The following AKAP13 variants were observed in gnomAD, a reference collection of about 807,000 sequenced individuals.
The protein encoded by AKAP13 is A-kinase anchoring protein 13.
Under a neutral mutation model 264.5 loss-of-function variants are expected in AKAP13, and 80 were observed. The observed-to-expected ratio is 0.30, with a 90% CI of 0.25 to 0.36. The LOEUF (loss-of-function observed/expected upper bound fraction) is 0.36, where lower values mean the gene tolerates loss of function less well. AKAP13 is among the 10% of genes least tolerant of loss of function. The pLI, the probability that AKAP13 is intolerant of heterozygous loss-of-function variation, is 1.00. For missense variants in AKAP13, 3,712 were observed against 3,435.2 expected (o/e 1.08, Z -2.01); for synonymous variants, 1,380 against 1,250.2 (o/e 1.10, Z -2.19).
intron 1 of AKAP13, chr15:85,415,141 A>G (rs1298475607): frequency 2.6e-6 from 2 of 781,178 alleles, no homozygotes; most frequent in East Asian, 5.4e-5. Context: ...TCAGAGGGAA[A>G]TACCTTTAAA....
At chr15:85,494,337 G>A (rs1288236231) in intron 2 of AKAP13, among the ~76,000 whole-genome samples, 2 of 152,214 alleles carry the variant, frequency 1.3e-5, no homozygotes, top group Non-Finnish European at 1.5e-5. Context: ...GAGGAGGAAA[G>A]GGTCTTTGGA....
At chr15:85,419,439 G>A (rs1425944513) in intron 1 of AKAP13, among the ~76,000 whole-genome samples, 2 of 152,180 alleles carry the variant, frequency 1.3e-5, no homozygotes, top group African/African-American at 4.8e-5. Flanking sequence ...CTGATACATT[G>A]TGTATCATTC....
intron 1 of AKAP13, among the ~76,000 whole-genome samples, chr15:85,385,806 ACTTGT>A (rs1233113530): frequency 2.0e-5 from 3 of 152,092 alleles, no homozygotes; most frequent in African/African-American, 7.2e-5. Flanking sequence ...GTCTGTTTTT[ACTTGT>A]CTTAATAATG....
At chr15:85,401,690 A>G (rs1476027864) in intron 1 of AKAP13, among the ~76,000 whole-genome samples, 1 of 152,238 alleles carries the variant, frequency 6.6e-6, no homozygotes, top group Non-Finnish European at 1.5e-5. Flanking sequence ...GGACCTTGGT[A>G]TCTCACATTT....
chr15:85,502,862 C>A (rs2151094966), intron 2 of AKAP13, among the ~76,000 whole-genome samples: 1 of 152,156 alleles, frequency 6.6e-6, no homozygotes, highest in South Asian at 2.1e-4. Context: ...GACTTATTTG[C>A]CATTTAGTTA....
chr15:85,428,038 C>T (rs1388660316), intron 1 of AKAP13, among the ~76,000 whole-genome samples: 1 of 152,198 alleles, frequency 6.6e-6, no homozygotes, highest in Non-Finnish European at 1.5e-5. Context: ...CCACCAGGTT[C>T]TCCAGGTACT....
rs138334191 is a variant in AKAP13, at chr15:85,414,327, T to C, written c.-12+33529T>C. 1.2e-3 allele frequency among the ~76,000 whole-genome samples: 181 copies of C among 152,330 alleles called. 1 individual carries two copies. Among genetic ancestry groups the C allele is most frequent in the African/African-American group, 4.2e-3 (176 of 41,582 alleles). On this transcript the variant is annotated intron_variant, in intron 1 of 36. Transcript: ENST00000394518. ...GAATTGCTGATTGTGTGAAGGGTTTTTGAAAATGAGGGACAAACAAAATGA... is the reference window on the plus strand; with the variant it reads ...GAATTGCTGATTGTGTGAAGGGTTTCTGAAAATGAGGGACAAACAAAATGA...
chr15:85,704,364 C>T (rs1380896122), intron 17 of AKAP13, among the ~76,000 whole-genome samples: 1 of 152,150 alleles, frequency 6.6e-6, no homozygotes, highest in East Asian at 1.9e-4. Context: ...TTAAGTTAGC[C>T]TCGCTAATGG....
In AKAP13 at chr15:85,723,327, C is replaced by CTTGG; in HGVS notation, c.6745+8_6745+11dup. On this transcript the variant is annotated splice_region_variant and intron_variant, in intron 26 of 36. Coordinates refer to ENST00000394518, the MANE Select transcript of AKAP13 (RefSeq NM_007200.5). ...GCAGCAGGAAGGTTGAAAGGTAAGG[C>CTTGG]TTGGCTCTTTTGTCTTAAGTATGTG... 1 of 1,613,318 alleles carries CTTGG rather than the reference C, an allele frequency of 6.2e-7. No individual in the cohort carries two copies. Among genetic ancestry groups the CTTGG allele is most frequent in the Non-Finnish European group, 8.5e-7 (1 of 1,179,390 alleles).
chr15:85,661,923 G>C (rs1342328818), intron 12 of AKAP13, among the ~76,000 whole-genome samples: 1 of 150,192 alleles, frequency 6.7e-6, no homozygotes, highest in Non-Finnish European at 1.5e-5. Context: ...AAAAAAACCG[G>C]ATGACTCCAT....
At chr15:85,618,826 A>G (rs1305091630) in intron 8 of AKAP13, among the ~76,000 whole-genome samples, 2 of 152,128 alleles carry the variant, frequency 1.3e-5, no homozygotes, top group East Asian at 3.9e-4. Context: ...CAACTCCATC[A>G]TCCCTTCTCC....
At chr15:85,565,784 C>T (rs1310650466) in intron 5 of AKAP13, among the ~76,000 whole-genome samples, 1 of 152,184 alleles carries the variant, frequency 6.6e-6, no homozygotes, top group African/African-American at 2.4e-5. Context: ...AGGGCCTTGC[C>T]TTTCCTTCCC....
rs2075520126 is a variant in AKAP13, at chr15:85,485,741, A to C, written c.21A>C (p.Gln7His). 6.2e-7 allele frequency: 1 copy of C among 1,613,230 alleles called. No individual in the cohort carries two copies. Among genetic ancestry groups the C allele is most frequent in the East Asian group, 2.2e-5 (1 of 44,862 alleles). The change falls in exon 2 of 37, where the codon CAA becomes CAC. Residue 7 changes from glutamine (Q) to histidine (H), a missense_variant. Around this residue, in one of 3 missense-constraint regions of AKAP13, gnomAD observed 2,759 missense variants for 2,411.7 expected, o/e 1.14. Transcript: ENST00000394518. The part of the protein sequence containing the change: MKLNPQ[Q>H]APLYGDCVVT... ...GGGTCATGAAACTTAATCCACAGCA[A>C]GCTCCCTTATATGTGAGTAAATCAT...
intron 29 of AKAP13, among the ~76,000 whole-genome samples, chr15:85,729,340 G>A (rs2087823476): frequency 6.6e-6 from 1 of 152,080 alleles, no homozygotes; most frequent in Non-Finnish European, 1.5e-5. Flanking sequence ...GTCGGTTGGT[G>A]GTAGGACAGA....
Position 85,719,281 on chromosome 15 carries a change from A to G in AKAP13, c.6207A>G (p.Glu2069=), listed in dbSNP as rs1324192297. 2.5e-6 allele frequency: 4 copies of G among 1,614,076 alleles called. No individual in the cohort carries two copies. In the East Asian group the frequency reaches 8.9e-5, roughly 36 times the overall value. ...RKKESLVDKS[E]KNFLIKRIGD... ...AGGAGTCTCTGGTGGATAAAAGTGA[A>G]AAGAACTTTCTCATCAAGAGGATAG... is the stretch of plus-strand genomic sequence containing the variant. Residue 2069 remains glutamate (E), a synonymous_variant, in exon 23 of 37, where the codon GAA becomes GAG. Coordinates refer to ENST00000394518, the MANE Select transcript of AKAP13 (RefSeq NM_007200.5).
At chr15:85,662,081 A>T (rs552616822) in intron 12 of AKAP13, among the ~76,000 whole-genome samples, 1 of 152,230 alleles carries the variant, frequency 6.6e-6, no homozygotes, top group South Asian at 2.1e-4. Flanking sequence ...CTGAAGAGCA[A>T]GCCATAGGTA....
intron 8 of AKAP13, among the ~76,000 whole-genome samples, chr15:85,632,598 C>T (rs2081888545): frequency 6.6e-6 from 1 of 152,138 alleles, no homozygotes; most frequent in African/African-American, 2.4e-5. Flanking sequence ...GTTCTCATCA[C>T]TGTTATTATG....
Position 85,746,942 on chromosome 15 carries a change from TAGAGCACGTCGCCAC to T in AKAP13, c.*2271_*2285del, listed in dbSNP as rs1301793176. The T allele has an allele frequency of 2.0e-5, 3 of 152,232 alleles. No individual in the cohort carries two copies. Among genetic ancestry groups the T allele is most frequent in the Admixed American group, 6.5e-5 (1 of 15,282 alleles). 9.4% of individuals were successfully genotyped at this position (152,232 alleles called of 1,614,324 possible). A position where few individuals can be genotyped will look rare whatever the true frequency, so the allele number is the denominator to read the frequency against. On this transcript the variant is annotated 3_prime_UTR_variant, in exon 37 of 37. Coordinates refer to ENST00000394518, the MANE Select transcript of AKAP13 (RefSeq NM_007200.5). The stretch of plus-strand genomic sequence containing the variant: ...ACAAAAACACCGTGGATGCTGAAGT[TAGAGCACGTCGCCAC>T]AGAGCTTGACATCAATGTTAGAGGG...
chr15:85,744,215 A>G (rs960114633), intron 36 of AKAP13: 3 of 295,496 alleles, frequency 1.0e-5, no homozygotes, highest in Non-Finnish European at 1.9e-5. Context: ...CCCCAAGAGA[A>G]GTGAGGAAAC....
Sources: allele counts gnomAD v4.1 joint callset (sites outside exome capture counted in the v4.1 genomes callset), GRCh38; gene constraint gnomAD v4.1.1; regional missense constraint gnomAD v4.1.1; transcripts MANE v1.5; gene names NCBI Gene and HGNC (gene_info 2026-07-23, HGNC 2026-07-21).